Variants in PSMC5 observed in about 807,000 individuals in gnomAD.
PSMC5 encodes proteasome 26S subunit, ATPase 5.
Under a neutral mutation model 49.1 loss-of-function variants are expected in PSMC5, and 11 were observed. The ratio of observed to expected loss-of-function variants is 0.22; its 90% CI spans 0.14 to 0.37. The LOEUF (loss-of-function observed/expected upper bound fraction) is 0.37, where lower values mean the gene tolerates loss of function less well. Ranked by LOEUF, PSMC5 falls within the 10% of genes least tolerant of loss-of-function variation. PSMC5 has a pLI of 1.00. For missense variants in PSMC5, 229 were observed against 520.9 expected (o/e 0.44, Z 5.45); for synonymous variants, 206 against 192.2 (o/e 1.07, Z -0.59).
chr17:63,827,551 G>A (rs2040123746), intron 1 of PSMC5, 37 bp downstream of exon 1: 1 of 1,551,580 alleles, frequency 6.4e-7, no homozygotes, highest in East Asian at 2.4e-5. Context: ...CAGGTTACGG[G>A]GCTGGGTGCG....
rs1015755552 is a variant in PSMC5 at position 63,830,987 on chromosome 17, G to A, written c.680-49G>A. ...CAAGAGGTAGGGGTAGGGGGTTAGAGAGCTAATAAGCTAATAAGCTCCCTA... is the reference window on the plus strand; with the variant it reads ...CAAGAGGTAGGGGTAGGGGGTTAGAAAGCTAATAAGCTAATAAGCTCCCTA... On this transcript the variant is annotated intron_variant, in intron 7 of 11. Coordinates refer to ENST00000310144, the MANE Select transcript of PSMC5 (RefSeq NM_002805.6). The surrounding 1 kb of genome is among the most constrained non-coding windows in gnomAD (Gnocchi z 4.0). The A allele has an allele frequency of 5.0e-6, 8 of 1,611,448 alleles. No homozygotes were observed. Among genetic ancestry groups the A allele is most frequent in the Non-Finnish European group, 5.9e-6 (7 of 1,178,440 alleles).
chr17:63,828,103 T>A, intron 1 of PSMC5, 35 bp from the exon 2 acceptor site: 6 of 1,613,182 alleles, frequency 3.7e-6, no homozygotes, highest in Non-Finnish European at 4.2e-6. Context: ...CTCGGATGTT[T>A]AACCTGTCGT....
chr17:63,827,467 G>T lies in PSMC5; in HGVS notation c.-24G>T, dbSNP rs551848839. On this transcript the variant is annotated 5_prime_UTR_variant, in exon 1 of 12. Coordinates refer to ENST00000310144, the MANE Select transcript of PSMC5 (RefSeq NM_002805.6). ...TGCGCGCCAAGACGGCTCGGATGCC[G>T]GCGGTCTCTGCTGAAGAGAGAAGAT... 2 of 1,551,596 alleles carry T rather than the reference G, an allele frequency of 1.3e-6. No homozygotes were observed. The highest frequency in any genetic ancestry group is 2.7e-5 in the African/African-American group (2 of 73,062).
In PSMC5 at chr17:63,831,909, C is replaced by T. The variant is rs1278314923; in HGVS notation, c.1168-7C>T. 1 of 1,613,774 alleles carries T rather than the reference C, an allele frequency of 6.2e-7. No individual in the cohort carries two copies. On this transcript the variant is annotated splice_region_variant and splice_polypyrimidine_tract_variant and intron_variant, in intron 11 of 11. Coordinates refer to ENST00000310144, the MANE Select transcript of PSMC5 (RefSeq NM_002805.6). The surrounding 1 kb of genome is among the most constrained non-coding windows in gnomAD (Gnocchi z 6.3). ...AACTTAATGTTCATTCTCTCTCCCA[C>T]CCCTAGGTCATGCAGAAGGACAGTG...
Position 63,830,474 on chromosome 17 carries a change from C to G in PSMC5, c.525C>G (p.Phe175Leu). 6.2e-7 allele frequency: 1 copy of G among 1,614,066 alleles called. No homozygotes were observed. Among genetic ancestry groups the G allele is most frequent in the Non-Finnish European group, 8.5e-7 (1 of 1,180,034 alleles). ...IELPVKHPEL[F>L]EALGIAQPKG... is the part of the protein sequence containing the mutation. ...TGCCTGTTAAGCATCCTGAGCTCTT[C>G]GAAGCACTGGGCATTGCTCAGCCCA... The change falls in exon 6 of 12, where the codon TTC becomes TTG. Residue 175 changes from phenylalanine to leucine, a missense_variant. By Grantham distance (22) the Phe-to-Leu change is conservative (BLOSUM62 0). This residue lies in a region of PSMC5 where 121 missense variants were observed against 330.6 expected (regional missense o/e 0.37). Transcript: ENST00000310144. This position sits in a 1 kb window ranked among gnomAD's most constrained non-coding sequence, Gnocchi z 4.0.
chr17:63,829,777 C>G, intron 3 of PSMC5, 75 bp from the exon 4 acceptor site: 3 of 1,456,616 alleles, frequency 2.1e-6, no homozygotes, highest in Non-Finnish European at 2.9e-6. Flanking sequence ...TGATGCTTAG[C>G]TCATGCACGT....
At position 63,829,900 on chromosome 17, in the gene PSMC5, A is replaced by G; in HGVS notation, c.215A>G (p.Tyr72Cys). 6.2e-7 allele frequency: 1 copy of G among 1,613,716 alleles called. No homozygotes were observed. Residue 72 changes from tyrosine to cysteine, a missense_variant, in exon 4 of 12, where the codon TAT (tyrosine) becomes TGT (cysteine). This residue lies in a region of PSMC5 where 98 missense variants were observed against 144.0 expected (regional missense o/e 0.68). Transcript: ENST00000310144. ...ELQLLQEQGS[Y>C]VGEVVRAMDK... ...CAGCTGCTGCAGGAGCAGGGCTCCTATGTGGGGGAAGTAGTCCGGGCCATG... is the reference window on the plus strand; with the variant it reads ...CAGCTGCTGCAGGAGCAGGGCTCCTGTGTGGGGGAAGTAGTCCGGGCCATG...
rs776200204 is a variant in PSMC5 at position 63,829,904 on chromosome 17, G to C, written c.219G>C (p.Val73=). ...TGCTGCAGGAGCAGGGCTCCTATGT[G>C]GGGGAAGTAGTCCGGGCCATGGATA... ...LQLLQEQGSY[V]GEVVRAMDKK... The change falls in exon 4 of 12, where the codon GTG becomes GTC. Residue 73 remains valine (V), a synonymous_variant. Coordinates refer to ENST00000310144, the MANE Select transcript of PSMC5 (RefSeq NM_002805.6). 1.9e-6 allele frequency: 3 copies of C among 1,613,578 alleles called. No individual in the cohort carries two copies. Among genetic ancestry groups the C allele is most frequent in the African/African-American group, 1.3e-5 (1 of 75,004 alleles).
At chr17:63,829,449 G>T (rs1459497650) in intron 2 of PSMC5, 45 bp from the exon 3 acceptor site, 1 of 1,536,226 alleles carries the variant, frequency 6.5e-7, no homozygotes, top group East Asian at 2.4e-5. Context: ...ACCTCCTCCT[G>T]TCTCCTGCCC....
At chr17:63,829,711 T>A (rs1182473605) in intron 3 of PSMC5, 141 bp from the exon 4 acceptor site, 3 of 1,203,606 alleles carry the variant, frequency 2.5e-6, no homozygotes, top group Non-Finnish European at 3.6e-6. Flanking sequence ...TCCTGAGCCC[T>A]ATTGTAGCCT....
In PSMC5 at chr17:63,829,493, G is replaced by C; in HGVS notation, c.97-1G>C. 1 of 1,553,602 alleles carries C rather than the reference G, an allele frequency of 6.4e-7. No individual in the cohort carries two copies. Among genetic ancestry groups the C allele is most frequent in the Non-Finnish European group, 8.7e-7 (1 of 1,147,978 alleles). On this transcript the variant is annotated splice_acceptor_variant, in intron 2 of 11. Transcript: ENST00000310144. LOFTEE classifies it high-confidence loss of function. ...TGGAATTTGTCTCTTGTCTGCCACA[G>C]CTGATTGTGAATGATAAGAGCCAAA...
intron 3 of PSMC5, 25 bp downstream of exon 3, chr17:63,829,588 G>A (rs769340031): frequency 8.4e-6 from 13 of 1,550,906 alleles, no homozygotes; most frequent in African/African-American, 1.4e-5. Flanking sequence ...ATGGGAAGCC[G>A]CATGTGGGCA....
chr17:63,830,599 G>A lies in PSMC5; in HGVS notation c.552+98G>A. The A allele has an allele frequency of 6.6e-7, 1 of 1,525,082 alleles. No individual in the cohort carries two copies. The highest frequency in any genetic ancestry group is 8.8e-7 in the Non-Finnish European group (1 of 1,137,640). The allele number at this position is 1,525,082 out of a possible 1,614,324, so 94.5% of individuals were successfully genotyped here. On this transcript the variant is annotated intron_variant, in intron 6 of 11. Coordinates refer to ENST00000310144, the MANE Select transcript of PSMC5 (RefSeq NM_002805.6). The surrounding 1 kb of genome is among the most constrained non-coding windows in gnomAD (Gnocchi z 4.0). ...GGTTGGGGAGGCACCGGGATAGGCT[G>A]CATCTTGCTTGGGCTGGCCCTCCCC...
rs768256809 is a variant in PSMC5 at position 63,831,293 on chromosome 17, G to A, written c.871-34G>A. ...GGGTGCCACGCAGGCTGAGGAAGAG[G>A]TTTAGCTGATCCCCACTTGCTTTCT... is the stretch of plus-strand genomic sequence containing the variant. On this transcript the variant is annotated intron_variant, in intron 8 of 11. Transcript: ENST00000310144. The surrounding 1 kb of genome is among the most constrained non-coding windows in gnomAD (Gnocchi z 6.3). 1 of 1,613,096 alleles carries A rather than the reference G, an allele frequency of 6.2e-7. No homozygotes were observed. The highest frequency in any genetic ancestry group is 8.5e-7 in the Non-Finnish European group (1 of 1,179,530).
chr17:63,827,847 G>A, intron 1 of PSMC5: 3 of 1,431,184 alleles, frequency 2.1e-6, no homozygotes, highest in South Asian at 3.0e-5. Context: ...CCTCGGGCTT[G>A]TAGAGCACTT....
In PSMC5 at chr17:63,830,073, C is replaced by T. The variant is rs1301143314; in HGVS notation, c.265-60C>T. 30 of 1,590,864 alleles carry T rather than the reference C, an allele frequency of 1.9e-5. No individual in the cohort carries two copies. The Middle Eastern group carries it at 7.3e-4, about 39-fold the overall frequency. ...TATTGTGGGATTCTCATAGGTCTTC[C>T]TGGGTAGGATTAGTGATTTGGTGGC... is the stretch of plus-strand genomic sequence containing the variant. On this transcript the variant is annotated intron_variant, in intron 4 of 11. Coordinates refer to ENST00000310144, the MANE Select transcript of PSMC5 (RefSeq NM_002805.6). The surrounding 1 kb of genome is among the most constrained non-coding windows in gnomAD (Gnocchi z 4.0).
chr17:63,831,622 T>G lies in PSMC5; in HGVS notation c.1080+6T>G. 6.2e-7 allele frequency: 1 copy of G among 1,613,964 alleles called. No individual in the cohort carries two copies. The highest frequency in any genetic ancestry group is 8.5e-7 in the Non-Finnish European group (1 of 1,179,874). On this transcript the variant is annotated splice_donor_region_variant and intron_variant, in intron 10 of 11. Coordinates refer to ENST00000310144, the MANE Select transcript of PSMC5 (RefSeq NM_002805.6). The surrounding 1 kb of genome is among the most constrained non-coding windows in gnomAD (Gnocchi z 6.3). ...CATCAGGGGCTGAAGTGAAGGTAAT[T>G]GGAGTACCCACTGAAAACAGGGCAG...
chr17:63,831,305 C>T lies in PSMC5; in HGVS notation c.871-22C>T. 2 of 1,613,138 alleles carry T rather than the reference C, an allele frequency of 1.2e-6. No homozygotes were observed. The highest frequency in any genetic ancestry group is 1.7e-6 in the Non-Finnish European group (2 of 1,179,514). On this transcript the variant is annotated intron_variant, in intron 8 of 11. Coordinates refer to ENST00000310144, the MANE Select transcript of PSMC5 (RefSeq NM_002805.6). The surrounding 1 kb of genome is among the most constrained non-coding windows in gnomAD (Gnocchi z 6.3). ...GGCTGAGGAAGAGGTTTAGCTGATC[C>T]CCACTTGCTTTCTCTGCTCAGGTTA...
chr17:63,827,872 C>T, intron 1 of PSMC5: 1 of 1,428,530 alleles, frequency 7.0e-7, no homozygotes, highest in South Asian at 1.5e-5. Context: ...CAGTGCAAAG[C>T]GCCCCCCGTC....
Sources: allele counts gnomAD v4.1 joint callset, GRCh38; gene constraint gnomAD v4.1.1; regional missense constraint gnomAD v4.1.1; non-coding constraint Gnocchi (gnomAD v3.1); transcripts MANE v1.5; gene names NCBI Gene and HGNC (gene_info 2026-07-23, HGNC 2026-07-21).